Variants in ZNF385D observed in about 807,000 individuals in gnomAD.
ZNF385D encodes the protein zinc finger protein 385D.
In ZNF385D, 15 loss-of-function variants were observed where a neutral mutation model predicts 35.8. That is an observed-to-expected ratio of 0.42 (90% CI 0.28 to 0.64). ZNF385D has a LOEUF of 0.64. ZNF385D is among the 30% of genes least tolerant of loss of function. ZNF385D has a pLI of 0.23. For synonymous variants in ZNF385D, 212 were observed against 186.8 expected, an observed-to-expected ratio of 1.13 and a Z score of -1.10; for missense variants, 474 against 494.6, an observed-to-expected ratio of 0.96 and a Z score of 0.39.
At chr3:21,957,640 A>C (rs1702362364) in intron 3 of ZNF385D, among the ~76,000 whole-genome samples, 1 of 152,092 alleles carries the variant, frequency 6.6e-6, no homozygotes, top group African/African-American at 2.4e-5. Context: ...TATGTTGGGG[A>C]ATCACTGCAG....
chr3:22,181,060 C>T (rs1695235522), intron 2 of ZNF385D, among the ~76,000 whole-genome samples: 1 of 151,678 alleles, frequency 6.6e-6, no homozygotes, highest in Admixed American at 6.6e-5. Context: ...GCTGTCCATG[C>T]CTAGTCTTTT....
chr3:22,013,988 A>G (rs1696727933), intron 3 of ZNF385D, among the ~76,000 whole-genome samples: 1 of 152,202 alleles, frequency 6.6e-6, no homozygotes, highest in African/African-American at 2.4e-5. Flanking sequence ...ATGTTTGAGG[A>G]AAATCATTGG....
chr3:21,805,436 T>G (rs933081011), intron 3 of ZNF385D, among the ~76,000 whole-genome samples: 1 of 152,178 alleles, frequency 6.6e-6, no homozygotes, highest in Non-Finnish European at 1.5e-5. Flanking sequence ...CAACGATTCA[T>G]AGTCATATAA....
At chr3:21,463,830 T>C (rs58120499) in intron 4 of ZNF385D, among the ~76,000 whole-genome samples, 1,987 of 152,236 alleles carry the variant, frequency 0.013, 39 homozygotes, top group African/African-American at 0.045. Flanking sequence ...GTTCTAGAGT[T>C]ACATTTTTCT....
rs1366485477 is a variant in ZNF385D at position 21,471,254 on chromosome 3, T to TTCTC, written c.440-34055_440-34052dup. On this transcript the variant is annotated intron_variant, in intron 4 of 7. Transcript: ENST00000281523. ...ACCATATTTCCCTCCCTCCCTCCCTTTCTCTCTCTCTCTCTCTCTTTCTCT... is the reference window on the plus strand; with the variant it reads ...ACCATATTTCCCTCCCTCCCTCCCTTTCTCTCTCTCTCTCTCTCTCTCTTTCTCT... Among the ~76,000 whole-genome samples, 7 of 105,170 alleles carry TTCTC rather than the reference T, an allele frequency of 6.7e-5. 1 individual carries two copies. Among genetic ancestry groups the TTCTC allele is most frequent in the Non-Finnish European group, 1.3e-4 (7 of 53,242 alleles). The allele number at this position is 105,170 out of a possible 152,430, so 69.0% of individuals were successfully genotyped here.
At chr3:21,744,835 T>C (rs1323986160) in intron 1 of ZNF385D, among the ~76,000 whole-genome samples, 1 of 148,930 alleles carries the variant, frequency 6.7e-6, no homozygotes, top group Non-Finnish European at 1.5e-5. Context: ...TTGTCCTTAC[T>C]AGGACTTGGG....
At chr3:21,866,056 A>C (rs936697191) in intron 3 of ZNF385D, among the ~76,000 whole-genome samples, 1 of 151,408 alleles carries the variant, frequency 6.6e-6, no homozygotes, top group African/African-American at 2.5e-5. Flanking sequence ...TTATAACATT[A>C]GTATGTGTAT....
chr3:21,658,181 A>G (rs2066129191), intron 2 of ZNF385D, among the ~76,000 whole-genome samples: 1 of 152,060 alleles, frequency 6.6e-6, no homozygotes, highest in Admixed American at 6.6e-5. Flanking sequence ...TTTTATCACT[A>G]TGACAGCCTT....
At chr3:22,336,909 C>CAAAAAAAAAAA (rs59822476) in intron 2 of ZNF385D, among the ~76,000 whole-genome samples, 6,378 of 47,942 alleles carry the variant, frequency 0.13, 2,454 homozygotes, top group East Asian at 0.26. Flanking sequence ...AGTGATTTTT[C>CAAAAAAAAAAA]AAAAAAAAAA....
At chr3:22,174,005 T>C (rs1212036965) in intron 2 of ZNF385D, among the ~76,000 whole-genome samples, 1 of 136,746 alleles carries the variant, frequency 7.3e-6, no homozygotes, top group Non-Finnish European at 1.6e-5. Context: ...TCAATTAAGA[T>C]TATAAGCCAT....
At chr3:21,984,110 T>C (rs1180987677) in intron 3 of ZNF385D, among the ~76,000 whole-genome samples, 1 of 136,220 alleles carries the variant, frequency 7.3e-6, no homozygotes, top group Non-Finnish European at 1.5e-5. Context: ...TCCCATGTTG[T>C]AGGTTGCCTG....
intron 3 of ZNF385D, among the ~76,000 whole-genome samples, chr3:21,903,693 C>T (rs1699531204): frequency 6.6e-6 from 1 of 152,090 alleles, no homozygotes; most frequent in African/African-American, 2.4e-5. Flanking sequence ...AAAATGACAG[C>T]TGTCTATGTC....
At chr3:22,012,684 G>A (rs1038194681) in intron 3 of ZNF385D, among the ~76,000 whole-genome samples, 2 of 152,074 alleles carry the variant, frequency 1.3e-5, no homozygotes, top group Non-Finnish European at 2.9e-5. Context: ...GAAGTATAAT[G>A]ACTATTTCTA....
At chr3:22,007,887 G>A (rs1052882195) in intron 3 of ZNF385D, among the ~76,000 whole-genome samples, 6 of 150,818 alleles carry the variant, frequency 4.0e-5, no homozygotes, top group African/African-American at 9.7e-5. Context: ...TTTATAATTC[G>A]TATGTAGTAA....
At chr3:21,799,548 T>C (rs2072304808) in intron 3 of ZNF385D, among the ~76,000 whole-genome samples, 1 of 152,196 alleles carries the variant, frequency 6.6e-6, no homozygotes, top group Non-Finnish European at 1.5e-5. Flanking sequence ...ACTTTTCATA[T>C]TGTGGCCATT....
intron 3 of ZNF385D, among the ~76,000 whole-genome samples, chr3:21,944,692 T>G (rs898022931): frequency 6.6e-6 from 1 of 152,122 alleles, no homozygotes; most frequent in Non-Finnish European, 1.5e-5. Context: ...ATTTCTTAAC[T>G]CCCAACTTTG....
intron 2 of ZNF385D, among the ~76,000 whole-genome samples, chr3:22,246,922 A>G (rs960438142): frequency 2.6e-5 from 4 of 152,100 alleles, no homozygotes; most frequent in African/African-American, 9.7e-5. Context: ...AGCATATATT[A>G]TTGTACCTTT....
chr3:21,615,275 C>G (rs1328166987), intron 2 of ZNF385D, among the ~76,000 whole-genome samples: 1 of 152,100 alleles, frequency 6.6e-6, no homozygotes, highest in African/African-American at 2.4e-5. Context: ...ATGTGATAAG[C>G]CTGTTTCCCC....
At chr3:21,762,396 G>A (rs944190475) in intron 3 of ZNF385D, among the ~76,000 whole-genome samples, 2 of 152,008 alleles carry the variant, frequency 1.3e-5, no homozygotes, top group Non-Finnish European at 2.9e-5. Flanking sequence ...TGTCTCAACC[G>A]TCTGAAATGC....
Sources: allele counts gnomAD v4.1 joint callset (sites outside exome capture counted in the v4.1 genomes callset), GRCh38; gene constraint gnomAD v4.1.1; transcripts MANE v1.5; gene names NCBI Gene and HGNC (gene_info 2026-07-23, HGNC 2026-07-21).